TXK: variants seen among roughly 807,000 people sequenced by gnomAD.
TXK encodes the protein tyrosine-protein kinase TXK.
Under a neutral mutation model 81.0 loss-of-function variants are expected in TXK, and 60 were observed. The observed-to-expected ratio is 0.74, with a 90% CI of 0.60 to 0.92. TXK has a LOEUF of 0.92. Among genes scored for constraint, TXK ranks in the 40% least tolerant of loss-of-function variants. The pLI is 0.00. For missense variants in TXK, 581 were observed against 638.3 expected (o/e 0.91, Z 0.97); for synonymous variants, 203 against 210.7 (o/e 0.96, Z 0.32).
intron 1 of TXK, among the ~76,000 whole-genome samples, chr4:48,121,987 T>C (rs144227215): frequency 2.4e-4 from 36 of 152,290 alleles, no homozygotes; most frequent in Non-Finnish European, 4.4e-4. Flanking sequence ...CACATACTTA[T>C]TGCTTTCCCC....
Position 48,134,231 on chromosome 4 carries a change from CA to C in TXK, c.-62del. ...CAGTTCTTCTGCGGTGCTCTACTCA[CA>C]AAAACACATCTTTCAACTGAAATCA... On this transcript the variant is annotated 5_prime_UTR_variant, in exon 1 of 15. It removes the in-frame stop codon of an upstream open reading frame in the 5' UTR. Coordinates refer to ENST00000264316, the MANE Select transcript of TXK (RefSeq NM_003328.3). 2 of 1,590,408 alleles carry C rather than the reference CA, an allele frequency of 1.3e-6. No homozygotes were observed. Among genetic ancestry groups the C allele is most frequent in the Admixed American group, 1.7e-5 (1 of 57,576 alleles).
At chr4:48,105,105 A>G (rs1246413539) in intron 5 of TXK, 150 bp from the exon 6 acceptor site, 1 of 527,064 alleles carries the variant, frequency 1.9e-6, no homozygotes, top group Non-Finnish European at 3.3e-6. Flanking sequence ...ATAATATACT[A>G]TTGTGGGTTA....
At chr4:48,075,602 A>G (rs1717036356) in intron 12 of TXK, among the ~76,000 whole-genome samples, 1 of 152,148 alleles carries the variant, frequency 6.6e-6, no homozygotes, top group Non-Finnish European at 1.5e-5. Flanking sequence ...GTGAGCCGAG[A>G]GAGCACCACT....
chr4:48,090,619 C>T (rs981619041), intron 8 of TXK, among the ~76,000 whole-genome samples: 8 of 152,094 alleles, frequency 5.3e-5, no homozygotes, highest in Non-Finnish European at 1.0e-4. Flanking sequence ...GCCTGGTATG[C>T]GCTTTCAATA....
chr4:48,080,916 T>C (rs1036920773), intron 10 of TXK, among the ~76,000 whole-genome samples: 2 of 152,118 alleles, frequency 1.3e-5, no homozygotes, highest in Admixed American at 6.5e-5. Context: ...TGAAAAGTTA[T>C]TGCTTCTTTT....
At chr4:48,109,562 C>G (rs1046418696) in intron 5 of TXK, among the ~76,000 whole-genome samples, 2 of 152,070 alleles carry the variant, frequency 1.3e-5, no homozygotes, top group African/African-American at 4.8e-5. Context: ...TATGATGGAG[C>G]TGAGGAGAGT....
intron 8 of TXK, among the ~76,000 whole-genome samples, chr4:48,090,937 A>G (rs1391153203): frequency 6.6e-6 from 1 of 152,250 alleles, no homozygotes; most frequent in Admixed American, 6.5e-5. Flanking sequence ...AACGAGCTTG[A>G]CCAGTGTAAG....
intron 6 of TXK, among the ~76,000 whole-genome samples, chr4:48,101,118 T>C (rs985160864): frequency 7.2e-5 from 11 of 152,046 alleles, no homozygotes; most frequent in African/African-American, 2.7e-4. Flanking sequence ...TCTTTCGATT[T>C]TGAACCACGT....
intron 1 of TXK, among the ~76,000 whole-genome samples, chr4:48,126,134 T>TA (rs1471905506): frequency 3.3e-5 from 5 of 150,318 alleles, no homozygotes; most frequent in African/African-American, 1.2e-4. Flanking sequence ...AAACATGGTA[T>TA]AAACATTTAC....
chr4:48,104,948 G>C lies in TXK; in HGVS notation c.454C>G (p.His152Asp), dbSNP rs147480759. 126 of 1,583,230 alleles carry C rather than the reference G, an allele frequency of 8.0e-5. No individual in the cohort carries two copies. The highest frequency in any genetic ancestry group is 9.9e-5 in the Non-Finnish European group (115 of 1,165,086). ...GCCTGATTTCTGGTAATGTTTCTAT[G>C]GTACCACCTGTAAAAGCAATAAAAA... Reference protein sequence around the residue: ...ITNLEIYEWYHRNITRNQAEH... With the variant: ...ITNLEIYEWYDRNITRNQAEH... The change falls in exon 6 of 15, where the codon CAT becomes GAT. Residue 152 changes from histidine to aspartate, a missense_variant. By Grantham distance (81) the His-to-Asp change is moderately conservative. Coordinates refer to ENST00000264316, the MANE Select transcript of TXK (RefSeq NM_003328.3).
chr4:48,066,435 T>C lies in TXK; in HGVS notation c.*1202A>G, dbSNP rs1405714440. 1 of 152,214 alleles carries C rather than the reference T, an allele frequency of 6.6e-6. No individual in the cohort carries two copies. The highest frequency in any genetic ancestry group is 1.5e-5 in the Non-Finnish European group (1 of 68,040). The allele number at this position is 152,214 out of a possible 1,614,324, so 9.4% of individuals were successfully genotyped here. A position where few individuals can be genotyped will look rare whatever the true frequency, so the allele number is the denominator to read the frequency against. ...ACACATTTATTGAATGTCATTGATATATAAAGATACCATTCTTTGAGTGGG... is the reference window on the plus strand; with the variant it reads ...ACACATTTATTGAATGTCATTGATACATAAAGATACCATTCTTTGAGTGGG... On this transcript the variant is annotated 3_prime_UTR_variant, in exon 15 of 15. Coordinates refer to ENST00000264316, the MANE Select transcript of TXK (RefSeq NM_003328.3).
At chr4:48,098,756 G>T (rs1219410186) in intron 6 of TXK, among the ~76,000 whole-genome samples, 2 of 152,152 alleles carry the variant, frequency 1.3e-5, no homozygotes, top group Non-Finnish European at 2.9e-5. Flanking sequence ...GAGGCCAGGA[G>T]TTCGAGACCA....
Position 48,080,298 on chromosome 4 carries a change from G to A in TXK, c.957-170C>T. ...CAGTTTCCTTGCCACTTAATGCACT[G>A]AGAATGTGGGGTCAAGAGTTTAAGT... On this transcript the variant is annotated intron_variant, in intron 10 of 14. Coordinates refer to ENST00000264316, the MANE Select transcript of TXK (RefSeq NM_003328.3). 10 of 615,156 alleles carry A rather than the reference G, an allele frequency of 1.6e-5. No individual in the cohort carries two copies. In the Admixed American group the frequency reaches 2.5e-4, roughly 15 times the overall value. 38.1% of individuals were successfully genotyped at this position (615,156 alleles called of 1,614,324 possible).
chr4:48,077,880 C>T (rs546732126), intron 11 of TXK, among the ~76,000 whole-genome samples: 1 of 152,246 alleles, frequency 6.6e-6, no homozygotes, highest in African/African-American at 2.4e-5. Context: ...AACTAGCTTG[C>T]CCAAGGTCTC....
intron 6 of TXK, among the ~76,000 whole-genome samples, chr4:48,096,047 C>T (rs890700703): frequency 3.3e-5 from 5 of 152,176 alleles, no homozygotes; most frequent in Non-Finnish European, 7.3e-5. Flanking sequence ...TTACATTGTG[C>T]TTGAGAATTG....
chr4:48,086,679 CTG>C, intron 9 of TXK, 42 bp from the exon 10 acceptor site: 1 of 1,569,690 alleles, frequency 6.4e-7, no homozygotes, highest in African/African-American at 1.4e-5. Flanking sequence ...GAAAGAAAGA[CTG>C]TTAAAATATT....
intron 10 of TXK, among the ~76,000 whole-genome samples, chr4:48,083,177 C>T (rs1717376575): frequency 6.6e-6 from 1 of 152,204 alleles, no homozygotes; most frequent in South Asian, 2.1e-4. Flanking sequence ...TGCAGACACC[C>T]ACCCCTAGAT....
chr4:48,113,293 T>C lies in TXK; in HGVS notation c.88A>G (p.Ile30Val). 1 of 1,608,896 alleles carries C rather than the reference T, an allele frequency of 6.2e-7. No individual in the cohort carries two copies. The highest frequency in any genetic ancestry group is 1.3e-5 in the African/African-American group (1 of 74,994). ...AGCTCTTCATCTGTGCTCAGGCTTA[T>C]CTGTGTTCTCATTTGTCTGACATTG... ...SVQKRQMRTQ[I>V]SLSTDEELPE... The change falls in exon 3 of 15, where the codon ATA becomes GTA. Residue 30 changes from isoleucine (I) to valine (V), a missense_variant. Ile to Val is a conservative substitution (Grantham distance 29). Transcript: ENST00000264316.
chr4:48,089,156 A>G (rs997232998), intron 9 of TXK, among the ~76,000 whole-genome samples: 7 of 152,158 alleles, frequency 4.6e-5, no homozygotes, highest in African/African-American at 1.4e-4. Flanking sequence ...CCAAACATCC[A>G]AATAAAAAGA....
Sources: allele counts gnomAD v4.1 joint callset (sites outside exome capture counted in the v4.1 genomes callset), GRCh38; gene constraint gnomAD v4.1.1; transcripts MANE v1.5; gene names NCBI Gene and HGNC (gene_info 2026-07-23, HGNC 2026-07-21).